PEG3: variants seen among roughly 807,000 people sequenced by gnomAD.
The protein encoded by PEG3 is paternally expressed 3, also known as paternally-expressed gene 3 protein.
PEG3 carries 23 observed loss-of-function variants against 35.5 expected under a neutral mutation model. That is an observed-to-expected ratio of 0.65 (90% CI 0.47 to 0.92). The LOEUF (loss-of-function observed/expected upper bound fraction) is 0.92. Among genes scored for constraint, PEG3 ranks in the 40% least tolerant of loss-of-function variants. PEG3 has a pLI of 0.00. For missense variants in PEG3, 1,960 were observed against 1,985.3 expected (o/e 0.99, Z 0.24); for synonymous variants, 707 against 697.0 (o/e 1.01, Z -0.23).
At chr19:56,822,865 A>C in intron 5 of PEG3, 29 bp from the exon 6 acceptor site, 1 of 1,605,832 alleles carries the variant, frequency 6.2e-7, no homozygotes, top group Non-Finnish European at 8.5e-7. Flanking sequence ...CCAGTGGTTA[A>C]CAAAGCTCTT....
Position 56,811,919 on chromosome 19 carries a change from C to T in PEG3, c.*1756G>A, listed in dbSNP as rs921257854. 2 of 985,100 alleles carry T rather than the reference C, an allele frequency of 2.0e-6. No individual in the cohort carries two copies. Among genetic ancestry groups the T allele is most frequent in the Non-Finnish European group, 2.4e-6 (2 of 829,732 alleles). 61.0% of individuals were successfully genotyped at this position (985,100 alleles called of 1,614,324 possible). ...TAGATCTGGTGATATATTAGGACTCCCTTCTTTGACTCACTCATTTCTGCT... is the reference window on the plus strand; with the variant it reads ...TAGATCTGGTGATATATTAGGACTCTCTTCTTTGACTCACTCATTTCTGCT... On this transcript the variant is annotated 3_prime_UTR_variant, in exon 10 of 10. Coordinates refer to ENST00000326441, the MANE Select transcript of PEG3 (RefSeq NM_006210.3).
At chr19:56,832,830 C>T (rs1325582802) in intron 2 of PEG3, among the ~76,000 whole-genome samples, 1 of 152,208 alleles carries the variant, frequency 6.6e-6, no homozygotes, top group Non-Finnish European at 1.5e-5. Context: ...ACAGAACAAG[C>T]CTGGCGCTGC....
intron 2 of PEG3, among the ~76,000 whole-genome samples, chr19:56,835,789 A>G (rs1055360061): frequency 6.6e-6 from 1 of 152,202 alleles, no homozygotes; most frequent in African/African-American, 2.4e-5. Context: ...CTGAAGGAGT[A>G]GCTGAGTATG....
intron 2 of PEG3, among the ~76,000 whole-genome samples, chr19:56,828,214 G>T (rs982308942): frequency 2.6e-5 from 4 of 152,076 alleles, no homozygotes; most frequent in African/African-American, 9.7e-5. Context: ...TGAATCCATA[G>T]TCATACCCTA....
chr19:56,830,926 C>T (rs1192766901), intron 2 of PEG3, among the ~76,000 whole-genome samples: 1 of 149,154 alleles, frequency 6.7e-6, no homozygotes, highest in African/African-American at 2.5e-5. Context: ...GACTGAATCA[C>T]CAAAAAAATA....
intron 2 of PEG3, among the ~76,000 whole-genome samples, chr19:56,833,972 G>A (rs182704342): frequency 6.6e-6 from 1 of 152,240 alleles, no homozygotes; most frequent in East Asian, 1.9e-4. Context: ...AAATCTCCTT[G>A]TTGTTGTCCA....
At chr19:56,838,883 C>T (rs748683921) in intron 1 of PEG3, among the ~76,000 whole-genome samples, 18 of 152,180 alleles carry the variant, frequency 1.2e-4, no homozygotes, top group African/African-American at 3.9e-4. Context: ...ACCTATGCGG[C>T]AAACCGCAGC....
chr19:56,827,415 T>G (rs2061152152), intron 2 of PEG3, among the ~76,000 whole-genome samples: 1 of 151,376 alleles, frequency 6.6e-6, no homozygotes, highest in African/African-American at 2.4e-5. Flanking sequence ...CAGAAAAACC[T>G]TAAAAAAAAA....
chr19:56,824,994 A>G (rs2146377022), intron 3 of PEG3: 1 of 244,290 alleles, frequency 4.1e-6, no homozygotes, highest in African/African-American at 2.2e-5. Flanking sequence ...AACTTGTCTA[A>G]TGCCCTAGAA....
intron 2 of PEG3, among the ~76,000 whole-genome samples, chr19:56,829,103 C>A (rs1224894587): frequency 6.6e-6 from 1 of 152,122 alleles, no homozygotes; most frequent in African/African-American, 2.4e-5. Context: ...GTAATCCCAG[C>A]ACTTTGGGAG....
Position 56,816,666 on chromosome 19 carries a change from A to G in PEG3, c.1776T>C (p.Asn592=). The change falls in exon 10 of 10, where the codon AAT becomes AAC. Residue 592 remains asparagine (N), a synonymous_variant. Transcript: ENST00000326441. ...CACGTTCACGTTCATGTTCACGCTCATTATCTTTGTCATCCCCAAAGTGGA... is the reference window on the plus strand; with the variant it reads ...CACGTTCACGTTCATGTTCACGCTCGTTATCTTTGTCATCCCCAAAGTGGA... ...QKIHFGDDKD[N]EREHERERER... 6.2e-7 allele frequency: 1 copy of G among 1,614,036 alleles called. No homozygotes were observed. The highest frequency in any genetic ancestry group is 8.5e-7 in the Non-Finnish European group (1 of 1,179,930).
rs201336293 is a variant in PEG3, at chr19:56,816,483, G to A, written c.1959C>T (p.Asn653=). The part of the protein sequence containing the change: ...KEHQKIHTRG[N]PFENKGKVCE... ...ACACTTTACCCTTGTTTTCAAATGGGTTCCCTCTAGTATGGATTTTCTGAT... is the reference window on the plus strand; with the variant it reads ...ACACTTTACCCTTGTTTTCAAATGGATTCCCTCTAGTATGGATTTTCTGAT... The change falls in exon 10 of 10, where the codon AAC becomes AAT. Residue 653 remains asparagine (N), a synonymous_variant. Transcript: ENST00000326441. 2.5e-6 allele frequency: 4 copies of A among 1,613,438 alleles called. No homozygotes were observed. In the East Asian group the frequency reaches 8.9e-5, roughly 36 times the overall value.
rs1383640589 is a variant in PEG3, at chr19:56,813,263, T to C, written c.*412A>G. ...ACCTCTGCAGAGTAAACTGTAACTGTATATCATATAAATCCAAATATATGT... is the reference window on the plus strand; with the variant it reads ...ACCTCTGCAGAGTAAACTGTAACTGCATATCATATAAATCCAAATATATGT... On this transcript the variant is annotated 3_prime_UTR_variant, in exon 10 of 10. Coordinates refer to ENST00000326441, the MANE Select transcript of PEG3 (RefSeq NM_006210.3). The C allele has an allele frequency of 4.1e-6, 4 of 965,586 alleles. No individual in the cohort carries two copies. The highest frequency in any genetic ancestry group is 1.8e-5 in the African/African-American group (1 of 56,744). The allele number at this position is 965,586 out of a possible 1,614,324, so 59.8% of individuals were successfully genotyped here. A position where few individuals can be genotyped will look rare whatever the true frequency, so the allele number is the denominator to read the frequency against.
chr19:56,821,345 A>C (rs1265032280), intron 7 of PEG3, among the ~76,000 whole-genome samples: 1 of 152,198 alleles, frequency 6.6e-6, no homozygotes, highest in Non-Finnish European at 1.5e-5. Flanking sequence ...TGAGGACCAG[A>C]AACATCTCCA....
rs2060115136 is a variant in PEG3, at chr19:56,817,760, G to C, written c.848C>G (p.Pro283Arg). 2.5e-6 allele frequency: 4 copies of C among 1,613,810 alleles called. No homozygotes were observed. In the South Asian group the frequency reaches 4.4e-5, roughly 18 times the overall value. ...CTCCTGCTTACCTCGACTGGTGCTTGGGTAGGCACTTCTCTTGGATCTTGA... is the reference window on the plus strand; with the variant it reads ...CTCCTGCTTACCTCGACTGGTGCTTCGGTAGGCACTTCTCTTGGATCTTGA... ...HSSRSKRSAY[P>R]STSRGLKTMP... The change falls in exon 9 of 10, where the codon CCA becomes CGA. Residue 283 changes from proline to arginine, a missense_variant. Transcript: ENST00000326441.
chr19:56,826,294 T>C (rs1314296217), intron 3 of PEG3, 94 bp downstream of exon 3: 1 of 152,178 alleles, frequency 6.6e-6, no homozygotes, highest in Admixed American at 6.5e-5. Context: ...CCAACTCTGT[T>C]ATGTGGCAGA....
At chr19:56,819,874 TGAGTAAGCAAAGACAAA>T (rs1414288575) in intron 7 of PEG3, among the ~76,000 whole-genome samples, 1 of 152,114 alleles carries the variant, frequency 6.6e-6, no homozygotes, top group Admixed American at 6.5e-5. Context: ...GAGGACTTGC[TGAGTAAGCAAAGACAAA>T]GAGGTACGGG....
In PEG3 at chr19:56,811,134, GT is replaced by G; in HGVS notation, c.*2540del. The G allele has an allele frequency of 1.0e-6, 1 of 982,314 alleles. No individual in the cohort carries two copies. The highest frequency in any genetic ancestry group is 1.2e-6 in the Non-Finnish European group (1 of 827,086). 60.8% of individuals were successfully genotyped at this position (982,314 alleles called of 1,614,324 possible). On this transcript the variant is annotated 3_prime_UTR_variant, in exon 10 of 10. Coordinates refer to ENST00000326441, the MANE Select transcript of PEG3 (RefSeq NM_006210.3). ...CTCCACTTTTCTGTATTTTCCAAGTGTGTGATAATGAGTTCAAATTATGTTC... is the reference window on the plus strand; with the variant it reads ...CTCCACTTTTCTGTATTTTCCAAGTGGTGATAATGAGTTCAAATTATGTTC...
chr19:56,814,290 A>T lies in PEG3; in HGVS notation c.4152T>A (p.Val1384=). The change falls in exon 10 of 10, where the codon GTT becomes GTA. Residue 1384 remains valine (V), a synonymous_variant. Coordinates refer to ENST00000326441, the MANE Select transcript of PEG3 (RefSeq NM_006210.3). This position sits in a 1 kb window ranked among gnomAD's most constrained non-coding sequence, Gnocchi z 5.8. ...VEANVHVPQV[V]LRIQGLNVEA... The stretch of plus-strand genomic sequence containing the variant: ...CTACGTTTAAGCCCTGAATCCTCAG[A>T]ACTACTTGTGGAACATGGACATTGG... 1 of 1,613,718 alleles carries T rather than the reference A, an allele frequency of 6.2e-7. No homozygotes were observed. The highest frequency in any genetic ancestry group is 8.5e-7 in the Non-Finnish European group (1 of 1,179,984).
Sources: allele counts gnomAD v4.1 joint callset (sites outside exome capture counted in the v4.1 genomes callset), GRCh38; gene constraint gnomAD v4.1.1; non-coding constraint Gnocchi (gnomAD v3.1); transcripts MANE v1.5; gene names NCBI Gene and HGNC (gene_info 2026-07-23, HGNC 2026-07-21).